The following EFL1 variants were observed in gnomAD, a reference collection of about 807,000 sequenced individuals.
EFL1 encodes elongation factor like GTPase 1, also known as elongation factor-like GTPase 1.
Under a neutral mutation model 126.7 loss-of-function variants are expected in EFL1, and 76 were observed. The observed-to-expected ratio is 0.60, with a 90% CI of 0.50 to 0.73. The LOEUF (loss-of-function observed/expected upper bound fraction) is 0.73. Ranked by LOEUF, EFL1 falls within the 30% of genes least tolerant of loss-of-function variation. The pLI is 0.00. For synonymous variants in EFL1, 410 were observed against 448.4 expected (o/e 0.91, Z 1.08); for missense variants, 1,128 against 1,343.2 (o/e 0.84, Z 2.50).
intron 19 of EFL1, among the ~76,000 whole-genome samples, chr15:82,132,943 C>A (rs1015780470): frequency 1.3e-5 from 2 of 151,964 alleles, no homozygotes; most frequent in African/African-American, 2.4e-5. Flanking sequence ...AATGTCAACA[C>A]GATACCAGTA....
At chr15:82,158,633 G>A (rs1454166900) in intron 16 of EFL1, among the ~76,000 whole-genome samples, 1 of 152,164 alleles carries the variant, frequency 6.6e-6, no homozygotes, top group Non-Finnish European at 1.5e-5. Context: ...AAAAGACTTA[G>A]CAATTCCTCA....
intron 19 of EFL1, among the ~76,000 whole-genome samples, chr15:82,137,831 G>T (rs1172868772): frequency 6.6e-6 from 1 of 152,180 alleles, no homozygotes; most frequent in African/African-American, 2.4e-5. Flanking sequence ...CCTGCAGTTT[G>T]TTTTTACCAG....
At chr15:82,244,695 T>C (rs927483971) in intron 4 of EFL1, among the ~76,000 whole-genome samples, 5 of 152,148 alleles carry the variant, frequency 3.3e-5, no homozygotes, top group Non-Finnish European at 7.3e-5. Context: ...TAGGGAGTTA[T>C]GGGAAAAGAA....
chr15:82,143,697 T>C (rs1442302441), intron 18 of EFL1, among the ~76,000 whole-genome samples: 1 of 152,186 alleles, frequency 6.6e-6, no homozygotes, highest in Non-Finnish European at 1.5e-5. Context: ...TAATTGATGT[T>C]AACAGGTCAA....
chr15:82,171,303 G>A (rs1279538986), intron 15 of EFL1, among the ~76,000 whole-genome samples: 1 of 152,140 alleles, frequency 6.6e-6, no homozygotes, highest in Non-Finnish European at 1.5e-5. Flanking sequence ...CTCTCTTCTT[G>A]AGCAAGTGGC....
chr15:82,165,585 G>A (rs72749544), intron 15 of EFL1, among the ~76,000 whole-genome samples: 7,793 of 152,148 alleles, frequency 0.051, 313 homozygotes, highest in Non-Finnish European at 0.073. Flanking sequence ...TTATCACCTC[G>A]CTACATTAAC....
chr15:82,256,520 TA>T (rs2075068081), intron 3 of EFL1, among the ~76,000 whole-genome samples: 1 of 152,210 alleles, frequency 6.6e-6, no homozygotes, highest in Admixed American at 6.5e-5. Context: ...GTAGAAGTTA[TA>T]ACACAATGAG....
At position 82,252,688 on chromosome 15, in the gene EFL1, T is replaced by C. The variant is rs755267208; in HGVS notation, c.244+3A>G. ...TGTTTCGTTAAAACACAGACTGATT[T>C]ACCTGTTGCATAATGTAGGGAAATG... On this transcript the variant is annotated splice_donor_region_variant and intron_variant, in intron 4 of 19. Coordinates refer to ENST00000268206, the MANE Select transcript of EFL1 (RefSeq NM_024580.6). 6.2e-7 allele frequency: 1 copy of C among 1,611,404 alleles called. No individual in the cohort carries two copies. Among genetic ancestry groups the C allele is most frequent in the Non-Finnish European group, 8.5e-7 (1 of 1,177,580 alleles).
chr15:82,250,661 C>G (rs2075012632), intron 4 of EFL1, among the ~76,000 whole-genome samples: 1 of 152,066 alleles, frequency 6.6e-6, no homozygotes, highest in African/African-American at 2.4e-5. Context: ...AGTGGAAATA[C>G]AAACAGACAC....
At chr15:82,134,195 A>C (rs563048678) in intron 19 of EFL1, among the ~76,000 whole-genome samples, 10 of 152,264 alleles carry the variant, frequency 6.6e-5, no homozygotes, top group Admixed American at 2.6e-4. Context: ...CAACATACCC[A>C]ACAAACTCTG....
chr15:82,170,440 A>G (rs1328561130), intron 15 of EFL1, among the ~76,000 whole-genome samples: 1 of 152,200 alleles, frequency 6.6e-6, no homozygotes, highest in African/African-American at 2.4e-5. Context: ...TGAGAAACCA[A>G]GGTCATTATT....
intron 18 of EFL1, among the ~76,000 whole-genome samples, chr15:82,150,383 T>C (rs1487451218): frequency 6.6e-6 from 1 of 152,196 alleles, no homozygotes; most frequent in African/African-American, 2.4e-5. Flanking sequence ...TGGCCGATTC[T>C]CTCATCCAGG....
At chr15:82,234,274 C>T (rs563659433) in intron 7 of EFL1, among the ~76,000 whole-genome samples, 1 of 152,178 alleles carries the variant, frequency 6.6e-6, no homozygotes, top group South Asian at 2.1e-4. Context: ...CAAGTACGAC[C>T]GTATTATATG....
chr15:82,204,376 T>C (rs2074502482), intron 15 of EFL1, among the ~76,000 whole-genome samples: 1 of 138,340 alleles, frequency 7.2e-6, no homozygotes, highest in South Asian at 2.1e-4. Flanking sequence ...ATACCTTTCC[T>C]TTTGGAAATC....
At chr15:82,213,378 C>A (rs74030948) in intron 15 of EFL1, among the ~76,000 whole-genome samples, 17,263 of 152,150 alleles carry the variant, frequency 0.11, 1,926 homozygotes, top group African/African-American at 0.29. Context: ...TCTCCCCGTA[C>A]CATATGGCAG....
intron 15 of EFL1, among the ~76,000 whole-genome samples, chr15:82,182,846 T>C (rs1367106823): frequency 6.6e-6 from 1 of 151,744 alleles, no homozygotes; most frequent in Non-Finnish European, 1.5e-5. Flanking sequence ...AGAATCATAT[T>C]TTACAGGTAT....
At chr15:82,223,894 C>T (rs1380009769) in intron 12 of EFL1, among the ~76,000 whole-genome samples, 1 of 152,216 alleles carries the variant, frequency 6.6e-6, no homozygotes, top group African/African-American at 2.4e-5. Flanking sequence ...TCTTCATTTA[C>T]TCACCCATCT....
intron 15 of EFL1, among the ~76,000 whole-genome samples, chr15:82,177,672 A>G (rs943997823): frequency 1.3e-5 from 2 of 152,214 alleles, no homozygotes; most frequent in Admixed American, 6.5e-5. Context: ...TGGGAAAGCA[A>G]AACAAGTCCC....
intron 8 of EFL1, among the ~76,000 whole-genome samples, chr15:82,230,550 CA>C (rs969363116): frequency 6.6e-6 from 1 of 151,918 alleles, no homozygotes; most frequent in Non-Finnish European, 1.5e-5. Context: ...ATGCACAGCA[CA>C]AAATGTGTGT....
Sources: allele counts gnomAD v4.1 joint callset (sites outside exome capture counted in the v4.1 genomes callset), GRCh38; gene constraint gnomAD v4.1.1; transcripts MANE v1.5; gene names NCBI Gene and HGNC (gene_info 2026-07-23, HGNC 2026-07-21).